Variants in EPB41L4A observed in about 807,000 individuals in gnomAD.
EPB41L4A encodes the protein erythrocyte membrane protein band 4.1 like 4A.
In EPB41L4A, 100 loss-of-function variants were observed where a neutral mutation model predicts 108.6. That is an observed-to-expected ratio of 0.92 (90% confidence interval 0.78 to 1.09). The LOEUF (loss-of-function observed/expected upper bound fraction) is 1.09, where lower values mean the gene tolerates loss of function less well. Among genes scored for constraint, EPB41L4A ranks in the 50% least tolerant of loss-of-function variants. The pLI is 0.00. For synonymous variants in EPB41L4A, 319 were observed against 289.0 expected (o/e 1.10, Z -1.05); for missense variants, 1,030 against 842.7 (o/e 1.22, Z -2.75).
intron 15 of EPB41L4A, 40 bp downstream of exon 15, chr5:112,204,335 C>T: frequency 1.4e-6 from 2 of 1,381,054 alleles, no homozygotes; most frequent in Non-Finnish European, 2.1e-6. Flanking sequence ...CAAAATGCTT[C>T]TGTTGAAAGC....
intron 1 of EPB41L4A, among the ~76,000 whole-genome samples, chr5:112,352,957 G>A (rs758571933): frequency 1.1e-4 from 16 of 152,210 alleles, no homozygotes; most frequent in Middle Eastern, 3.4e-3. Flanking sequence ...CCAATTCTTT[G>A]GATTGGCTTT....
intron 1 of EPB41L4A, among the ~76,000 whole-genome samples, chr5:112,311,749 C>T (rs886924783): frequency 6.6e-6 from 1 of 152,140 alleles, no homozygotes; most frequent in African/African-American, 2.4e-5. Flanking sequence ...TCTTACTTTC[C>T]AGGTTACTGT....
At chr5:112,341,850 G>A (rs934088782) in intron 1 of EPB41L4A, among the ~76,000 whole-genome samples, 2 of 151,924 alleles carry the variant, frequency 1.3e-5, no homozygotes, top group Admixed American at 1.3e-4. Flanking sequence ...ATAGAGCCCT[G>A]TATCAAAAAG....
intron 1 of EPB41L4A, among the ~76,000 whole-genome samples, chr5:112,352,992 G>T (rs1330211687): frequency 3.3e-5 from 5 of 152,128 alleles, no homozygotes; most frequent in African/African-American, 1.2e-4. Flanking sequence ...TTTTCCTACA[G>T]ATGTATCTAT....
intron 1 of EPB41L4A, among the ~76,000 whole-genome samples, chr5:112,367,042 G>C (rs1209579037): frequency 6.6e-6 from 1 of 152,158 alleles, no homozygotes; most frequent in African/African-American, 2.4e-5. Context: ...ACACCTTTGA[G>C]CCTGACTCTG....
At chr5:112,347,198 A>G (rs759546957) in intron 1 of EPB41L4A, among the ~76,000 whole-genome samples, 27 of 152,236 alleles carry the variant, frequency 1.8e-4, no homozygotes, top group Non-Finnish European at 3.4e-4. Flanking sequence ...ACATGCACAC[A>G]CATGCATTTT....
At chr5:112,246,990 A>C (rs554777139) in intron 9 of EPB41L4A, among the ~76,000 whole-genome samples, 1 of 152,224 alleles carries the variant, frequency 6.6e-6, no homozygotes, top group South Asian at 2.1e-4. Context: ...AAAATGATTG[A>C]GACTTGTCTC....
chr5:112,142,709 A>T (rs191675627), exon 14 of EPB41L4A: 1 of 152,368 alleles, frequency 6.6e-6, no homozygotes, highest in Non-Finnish European at 1.5e-5. Flanking sequence ...ATTAAGGCCC[A>T]AATCCTGTCT....
chr5:112,149,191 C>G (rs1364579111), intron 12 of EPB41L4A, among the ~76,000 whole-genome samples: 1 of 152,084 alleles, frequency 6.6e-6, no homozygotes, highest in Non-Finnish European at 1.5e-5. Flanking sequence ...AAGAAAGAGA[C>G]TCTGGCCAGG....
intron 1 of EPB41L4A, among the ~76,000 whole-genome samples, chr5:112,413,551 C>T (rs1762531188): frequency 6.6e-6 from 1 of 152,184 alleles, no homozygotes; most frequent in African/African-American, 2.4e-5. Context: ...TAGCAGCTCA[C>T]AGGCTGCTGG....
At chr5:112,382,190 ATT>A (rs1476603559) in intron 1 of EPB41L4A, among the ~76,000 whole-genome samples, 1 of 152,124 alleles carries the variant, frequency 6.6e-6, no homozygotes, top group Non-Finnish European at 1.5e-5. Flanking sequence ...CCTTTAATCT[ATT>A]TTTTAACCAC....
intron 12 of EPB41L4A, among the ~76,000 whole-genome samples, chr5:112,232,210 A>T (rs1052849745): frequency 6.6e-6 from 1 of 151,910 alleles, no homozygotes; most frequent in Non-Finnish European, 1.5e-5. Context: ...TAGGGGGACC[A>T]GCTTACAACA....
chr5:112,419,780 A>G (rs1471163765), upstream of EPB41L4A: 9 of 456,726 alleles, frequency 2.0e-5, no homozygotes, highest in South Asian at 1.4e-4. Context: ...AGGGGAGGTC[A>G]GCTCGTCGCG....
At chr5:112,280,212 T>A in intron 3 of EPB41L4A, 60 bp downstream of exon 3, 1 of 1,444,302 alleles carries the variant, frequency 6.9e-7, no homozygotes, top group South Asian at 1.1e-5. Context: ...ACCCAACTAA[T>A]CATGGACTTT....
chr5:112,265,540 T>C (rs757330488), intron 5 of EPB41L4A, among the ~76,000 whole-genome samples: 1 of 152,226 alleles, frequency 6.6e-6, no homozygotes, highest in Admixed American at 6.5e-5. Flanking sequence ...ATACAAATGC[T>C]TCTTCCTATG....
chr5:112,231,791 C>CAAAAAA (rs777370941), intron 12 of EPB41L4A, among the ~76,000 whole-genome samples: 8 of 37,620 alleles, frequency 2.1e-4, no homozygotes, highest in Non-Finnish European at 1.8e-4. Context: ...GACTCCGTCT[C>CAAAAAA]AAAAAAAAAA....
chr5:112,161,308 G>A, downstream of EPB41L4A: 1 of 352,960 alleles, frequency 2.8e-6, no homozygotes, highest in Admixed American at 3.8e-5. Context: ...GAGTTTTCAC[G>A]TTCGTGCAAG....
chr5:112,343,603 A>T (rs1757459623), intron 1 of EPB41L4A, among the ~76,000 whole-genome samples: 1 of 152,102 alleles, frequency 6.6e-6, no homozygotes, highest in Non-Finnish European at 1.5e-5. Flanking sequence ...TACCACCACC[A>T]CCAAGACCAC....
chr5:112,239,793 G>A (rs1034881301), intron 10 of EPB41L4A, 56 bp from the exon 11 acceptor site: 3 of 1,190,900 alleles, frequency 2.5e-6, no homozygotes, highest in Non-Finnish European at 3.7e-6. Context: ...GGCATTCTGG[G>A]CCACCCCCTT....
Sources: gnomAD v4.1 joint callset for allele counts (sites outside exome capture counted in the v4.1 genomes callset) on GRCh38, gnomAD v4.1.1 for gene constraint, MANE v1.5 for transcripts, NCBI Gene and HGNC (gene_info 2026-07-23, HGNC 2026-07-21) for gene names.